The following CUBN variants were observed in gnomAD, a reference collection of about 807,000 sequenced individuals.
CUBN encodes the protein 460 kDa receptor.
CUBN carries 282 observed loss-of-function variants against 405.3 expected under a neutral mutation model. The ratio of observed to expected loss-of-function variants is 0.70; its 90% CI spans 0.63 to 0.77. The LOEUF is 0.77. Ranked by LOEUF, CUBN falls within the 30% of genes least tolerant of loss-of-function variation. The pLI is 0.00. For synonymous variants in CUBN, 1,684 were observed against 1,617.0 expected (o/e 1.04, Z -0.99); for missense variants, 4,514 against 4,475.2 (o/e 1.01, Z -0.25).
Position 17,062,558 on chromosome 10 carries a change from C to A in CUBN, c.3139+2950G>T, listed in dbSNP as rs114405677. Among the ~76,000 whole-genome samples the A allele has an allele frequency of 7.7e-3, 1,172 of 152,272 alleles. 12 individuals are homozygous for A. The highest frequency in any genetic ancestry group is 0.025 in the African/African-American group (1,035 of 41,562). ...CCTGTTAAACCTGTACTTGTTAGTT[C>A]TTTTCTTTCTGTTTTCCCAGGCACA... On this transcript the variant is annotated intron_variant, in intron 22 of 66. Transcript: ENST00000377833.
intron 31 of CUBN, among the ~76,000 whole-genome samples, chr10:16,958,818 G>A (rs139327562): frequency 6.6e-6 from 1 of 152,252 alleles, no homozygotes; most frequent in East Asian, 1.9e-4. Flanking sequence ...ACACACCTCA[G>A]TCTGCTTCTT....
At chr10:17,058,416 T>C (rs1404905777) in intron 22 of CUBN, among the ~76,000 whole-genome samples, 2 of 152,048 alleles carry the variant, frequency 1.3e-5, no homozygotes, top group Non-Finnish European at 2.9e-5. Context: ...GAAAGTTCTG[T>C]GCACAGACAG....
At chr10:16,868,203 T>C (rs1321524334) in intron 59 of CUBN, among the ~76,000 whole-genome samples, 9 of 152,064 alleles carry the variant, frequency 5.9e-5, no homozygotes, top group Non-Finnish European at 1.3e-4. Flanking sequence ...GTAGGGGAGG[T>C]GGCAAAGGGA....
At chr10:17,048,977 G>T (rs930671530) in intron 22 of CUBN, among the ~76,000 whole-genome samples, 19 of 152,190 alleles carry the variant, frequency 1.2e-4, no homozygotes, top group Non-Finnish European at 2.2e-4. Flanking sequence ...TAAACAGCAA[G>T]CAATCAAGGC....
rs1313174958 is a variant in CUBN, at chr10:16,908,547, C to T, written c.7534-868G>A. Reference sequence around the variant, plus strand: ...CTCATTAGTTATGGATTCAAAGCTTCAATTTTCTTACTTATTTGAATTTCC... The same window carrying T: ...CTCATTAGTTATGGATTCAAAGCTTTAATTTTCTTACTTATTTGAATTTCC... On this transcript the variant is annotated intron_variant, in intron 48 of 66. Coordinates refer to ENST00000377833, the MANE Select transcript of CUBN (RefSeq NM_001081.4). Among the ~76,000 whole-genome samples the T allele has an allele frequency of 2.6e-5, 4 of 152,320 alleles. No homozygotes were observed. In the East Asian group the frequency reaches 7.7e-4, roughly 29 times the overall value.
At chr10:16,990,868 A>G (rs1183158189) in intron 28 of CUBN, among the ~76,000 whole-genome samples, 4 of 152,204 alleles carry the variant, frequency 2.6e-5, no homozygotes, top group Middle Eastern at 3.2e-3. Context: ...AGTCGGAAGT[A>G]CAATGGACCG....
chr10:16,940,641 G>A (rs1468505781), intron 36 of CUBN, among the ~76,000 whole-genome samples: 1 of 152,182 alleles, frequency 6.6e-6, no homozygotes. Flanking sequence ...ATACATGTGA[G>A]CTGGATGTAA....
rs184321190 is a variant in CUBN, at chr10:16,977,504, T to C, written c.4695+4980A>G. On this transcript the variant is annotated intron_variant, in intron 31 of 66. Coordinates refer to ENST00000377833, the MANE Select transcript of CUBN (RefSeq NM_001081.4). ...ACAGTGAACTCCAGGGGGAGGATCATCTTCCCTTTCCACCCCCTTTCCAGC... is the reference window on the plus strand; with the variant it reads ...ACAGTGAACTCCAGGGGGAGGATCACCTTCCCTTTCCACCCCCTTTCCAGC... 9.1e-3 allele frequency among the ~76,000 whole-genome samples: 1,383 copies of C among 152,288 alleles called. 6 individuals are homozygous for C. The highest frequency in any genetic ancestry group is 0.015 in the Non-Finnish European group (1,025 of 68,008).
At chr10:17,122,346 G>C (rs1282626603) in intron 6 of CUBN, 1 of 273,304 alleles carries the variant, frequency 3.7e-6, no homozygotes, top group East Asian at 1.0e-4. Context: ...TTTTGACATA[G>C]CATTGAATAA....
chr10:16,942,862 A>AGGG (rs1254912352), intron 36 of CUBN, among the ~76,000 whole-genome samples: 77 of 126,248 alleles, frequency 6.1e-4, no homozygotes, highest in African/African-American at 2.6e-3. Flanking sequence ...GGGGAAGGGA[A>AGGG]AGGAAGGGAA....
chr10:17,078,422 G>A (rs545096788), intron 17 of CUBN, among the ~76,000 whole-genome samples: 2 of 152,078 alleles, frequency 1.3e-5, no homozygotes, highest in African/African-American at 2.4e-5. Flanking sequence ...CTACATACAG[G>A]GTCTACAGAT....
At chr10:16,951,044 T>C (rs182863916) in intron 33 of CUBN, among the ~76,000 whole-genome samples, 10 of 152,340 alleles carry the variant, frequency 6.6e-5, no homozygotes, top group Admixed American at 2.6e-4. Context: ...CATTTTCTTT[T>C]TGTTGTTCTT....
At chr10:16,872,357 T>TATATAG (rs980619583) in intron 58 of CUBN, among the ~76,000 whole-genome samples, 8 of 151,272 alleles carry the variant, frequency 5.3e-5, no homozygotes, top group African/African-American at 2.0e-4. Context: ...TACATATATA[T>TATATAG]ATAGATAGAT....
chr10:16,946,737 C>T (rs188126412), intron 36 of CUBN, among the ~76,000 whole-genome samples: 2,505 of 152,140 alleles, frequency 0.016, 29 homozygotes, highest in Non-Finnish European at 0.027. Flanking sequence ...CTCAAGTGAT[C>T]CACCCGCCTT....
In CUBN at chr10:17,045,179, C is replaced by A. The variant is rs773892336; in HGVS notation, c.3500G>T (p.Gly1167Val). ...YWDGSSTGCG[G>V]NLTTSSGTFI... ...CGTGCCGCTTGAAGTGGTGAGATTA[C>A]CCCCGCAACCTACAGGAGAAAGAAG... The change falls in exon 25 of 67, where the codon GGT becomes GTT. Residue 1167 changes from glycine to valine, a missense_variant. Gly to Val is a moderately radical substitution (Grantham distance 109, BLOSUM62 -3). Transcript: ENST00000377833. 5 of 1,613,400 alleles carry A rather than the reference C, an allele frequency of 3.1e-6. No individual in the cohort carries two copies. The East Asian group carries it at 8.9e-5, about 29-fold the overall frequency.
intron 60 of CUBN, among the ~76,000 whole-genome samples, chr10:16,850,330 T>C (rs1393507241): frequency 6.6e-6 from 1 of 152,204 alleles, no homozygotes; most frequent in Non-Finnish European, 1.5e-5. Flanking sequence ...TTTTTATTTT[T>C]CCCCTGAGAG....
intron 56 of CUBN, among the ~76,000 whole-genome samples, chr10:16,881,700 T>C (rs1267102948): frequency 6.6e-6 from 1 of 152,232 alleles, no homozygotes; most frequent in Non-Finnish European, 1.5e-5. Flanking sequence ...TAAGGTAGGA[T>C]GTTATGCCCT....
At chr10:16,836,179 G>C in intron 63 of CUBN, 56 bp downstream of exon 63, 1 of 1,472,228 alleles carries the variant, frequency 6.8e-7, no homozygotes, top group Non-Finnish European at 9.5e-7. Flanking sequence ...ATTATTCTAC[G>C]AATAATGGTA....
intron 28 of CUBN, 126 bp downstream of exon 28, chr10:17,019,707 G>T: frequency 9.0e-7 from 1 of 1,114,680 alleles, no homozygotes; most frequent in Non-Finnish European, 1.4e-6. Flanking sequence ...TTAAACCCTT[G>T]CATGAGATTA....
Sources: allele counts gnomAD v4.1 joint callset (sites outside exome capture counted in the v4.1 genomes callset), GRCh38; gene constraint gnomAD v4.1.1; transcripts MANE v1.5; gene names NCBI Gene and HGNC (gene_info 2026-07-23, HGNC 2026-07-21).